Variants in GAR1 observed in about 807,000 individuals in gnomAD.
GAR1 encodes the protein GAR1 ribonucleoprotein.
Under a neutral mutation model 29.3 loss-of-function variants are expected in GAR1, and 11 were observed. The ratio of observed to expected loss-of-function variants is 0.38; its 90% confidence interval spans 0.24 to 0.62. The LOEUF (loss-of-function observed/expected upper bound fraction) is 0.62. Ranked by LOEUF, GAR1 falls within the 20% of genes least tolerant of loss-of-function variation. GAR1 has a pLI of 0.62. For missense variants in GAR1, 237 were observed against 268.4 expected (o/e 0.88, Z 0.82); for synonymous variants, 87 against 93.3 (o/e 0.93, Z 0.39).
rs1379256573 is a variant in GAR1 at position 109,823,899 on chromosome 4, TTAA to T, written c.572-64_572-62del. On this transcript the variant is annotated intron_variant, in intron 5 of 6. Coordinates refer to ENST00000226796, the MANE Select transcript of GAR1 (RefSeq NM_018983.4). ...TATAAGAGGTTATACAGTTAATAACTTAATGATTATTATATTCTATTGTTATTT... is the reference window on the plus strand; with the variant it reads ...TATAAGAGGTTATACAGTTAATAACTTGATTATTATATTCTATTGTTATTT... The T allele has an allele frequency of 3.9e-6, 4 of 1,027,844 alleles. No individual in the cohort carries two copies. In the African/African-American group the frequency reaches 6.4e-5, roughly 16 times the overall value. The allele number at this position is 1,027,844 out of a possible 1,614,324, so 63.7% of individuals were successfully genotyped here.
chr4:109,816,027 G>A, intron 1 of GAR1, 126 bp from the exon 2 acceptor site: 1 of 905,500 alleles, frequency 1.1e-6, no homozygotes, highest in Non-Finnish European at 1.8e-6. Flanking sequence ...CTGGCTGTCT[G>A]ACCGTGGGTG....
chr4:109,817,982 A>C lies in GAR1; in HGVS notation c.261A>C (p.Lys87Asn). Residue 87 changes from lysine (K) to asparagine (N), a missense_variant, in exon 3 of 7, where the codon AAA (lysine) becomes AAC (asparagine). Lys to Asn is a moderately conservative substitution (Grantham distance 94, BLOSUM62 0). Coordinates refer to ENST00000226796, the MANE Select transcript of GAR1 (RefSeq NM_018983.4). The part of the protein sequence containing the change: ...LHPCEDDIVC[K>N]CTTDENKVPY... ...CCTGTGAAGATGACATAGTTTGTAA[A>C]TGTACCACAGATGAAAATAAGGTGC... 1 of 1,609,492 alleles carries C rather than the reference A, an allele frequency of 6.2e-7. No homozygotes were observed. Among genetic ancestry groups the C allele is most frequent in the Non-Finnish European group, 8.5e-7 (1 of 1,176,854 alleles).
intron 1 of GAR1, 34 bp downstream of exon 1, chr4:109,815,838 T>G: frequency 3.0e-6 from 1 of 337,252 alleles, no homozygotes; most frequent in Non-Finnish European, 5.4e-6. Flanking sequence ...GATTTGAAAA[T>G]GCTGGACGTG....
chr4:109,824,285 C>T (rs1733595168), intron 6 of GAR1, 133 bp from the exon 7 acceptor site: 2 of 652,706 alleles, frequency 3.1e-6, no homozygotes, highest in East Asian at 2.7e-5. Flanking sequence ...ATATGAATGA[C>T]AGTTAAATTT....
chr4:109,821,301 G>A (rs1055367969), intron 4 of GAR1, among the ~76,000 whole-genome samples: 7 of 152,208 alleles, frequency 4.6e-5, no homozygotes, highest in Non-Finnish European at 8.8e-5. Flanking sequence ...CCTGTGGCTG[G>A]TGGCTGCCAT....
intron 5 of GAR1, 104 bp downstream of exon 5, chr4:109,822,592 C>T (rs1733544279): frequency 8.5e-7 from 1 of 1,182,714 alleles, no homozygotes; most frequent in Admixed American, 3.0e-5. Flanking sequence ...CCTTATGGTT[C>T]TTTTTATTAA....
At chr4:109,823,888 C>T (rs1022622574) in intron 5 of GAR1, 77 bp from the exon 6 acceptor site, 4 of 877,080 alleles carry the variant, frequency 4.6e-6, no homozygotes, top group Non-Finnish European at 7.5e-6. Flanking sequence ...AGAGGTTATA[C>T]AGTTAATAAC....
At chr4:109,823,000 T>C (rs1017783354) in intron 5 of GAR1, among the ~76,000 whole-genome samples, 1 of 152,238 alleles carries the variant, frequency 6.6e-6, no homozygotes, top group Non-Finnish European at 1.5e-5. Flanking sequence ...TCAAGAACTA[T>C]TACTAATAAA....
chr4:109,821,924 C>T (rs978753081), intron 4 of GAR1, among the ~76,000 whole-genome samples: 1 of 151,650 alleles, frequency 6.6e-6, no homozygotes, highest in Non-Finnish European at 1.5e-5. Context: ...TGTTCTCACT[C>T]GTAAGTGAGA....
intron 3 of GAR1, among the ~76,000 whole-genome samples, chr4:109,818,686 T>C (rs1733421800): frequency 6.6e-6 from 1 of 151,496 alleles, no homozygotes; most frequent in Non-Finnish European, 1.5e-5. Context: ...TGCCTCAGCC[T>C]TTCAAGTAGC....
chr4:109,815,538 A>C (rs1207631697), upstream of GAR1: 1 of 153,710 alleles, frequency 6.5e-6, no homozygotes, highest in Non-Finnish European at 1.5e-5. Context: ...TCCACGGCTC[A>C]GCGTCAGGCA....
At position 109,816,184 on chromosome 4, in the gene GAR1, G is replaced by A. The variant is rs566900761; in HGVS notation, c.20G>A (p.Gly7Asp). The A allele has an allele frequency of 4.1e-5, 66 of 1,612,530 alleles. No homozygotes were observed. In the South Asian group the frequency reaches 6.8e-4, roughly 17 times the overall value. ...GAGAGAATGTCTTTTCGAGGCGGAG[G>A]TCGTGGAGGCTTTAATCGAGGTGGT... MSFRGG[G>D]RGGFNRGGGG... Residue 7 changes from glycine (G) to aspartate (D), a missense_variant, in exon 2 of 7, where the codon GGT becomes GAT. By Grantham distance (94) the Gly-to-Asp change is moderately conservative (BLOSUM62 -1). Coordinates refer to ENST00000226796, the MANE Select transcript of GAR1 (RefSeq NM_018983.4).
In GAR1 at chr4:109,824,587, C is replaced by T. The variant is rs1247013772; in HGVS notation, c.*156C>T. 1.1e-5 allele frequency: 7 copies of T among 633,738 alleles called. No homozygotes were observed. The highest frequency in any genetic ancestry group is 2.1e-5 in the South Asian group (1 of 46,756). The allele number at this position is 633,738 out of a possible 1,614,324, so 39.3% of individuals were successfully genotyped here. A position where few individuals can be genotyped will look rare whatever the true frequency, so the allele number is the denominator to read the frequency against. ...AATGTCAGCATCATGCAAAGTGCAACGGAATAGTGAATTTTGCTCTAAAAG... is the reference window on the plus strand; with the variant it reads ...AATGTCAGCATCATGCAAAGTGCAATGGAATAGTGAATTTTGCTCTAAAAG... On this transcript the variant is annotated 3_prime_UTR_variant, in exon 7 of 7. Coordinates refer to ENST00000226796, the MANE Select transcript of GAR1 (RefSeq NM_018983.4).
At position 109,816,138 on chromosome 4, in the gene GAR1, T is replaced by G; in HGVS notation, c.-12-15T>G. 1.3e-6 allele frequency: 2 copies of G among 1,590,228 alleles called. No homozygotes were observed. The highest frequency in any genetic ancestry group is 4.5e-5 in the East Asian group (2 of 44,738). ...TACAGTGATCAGAAGACATAGGTCG[T>G]TTTTTTTTCATCAGGGAGGAGAGAG... On this transcript the variant is annotated splice_polypyrimidine_tract_variant and intron_variant, in intron 1 of 6. Transcript: ENST00000226796.
chr4:109,820,293 C>G (rs1033387552), intron 4 of GAR1, among the ~76,000 whole-genome samples: 1 of 151,832 alleles, frequency 6.6e-6, no homozygotes, highest in Non-Finnish European at 1.5e-5. Context: ...GTGATGGTAC[C>G]AATTAATGAA....
At chr4:109,815,876 A>C in intron 1 of GAR1, 72 bp downstream of exon 1, 4 of 401,436 alleles carry the variant, frequency 1.0e-5, no homozygotes, top group East Asian at 4.9e-5. Context: ...GGAGGGAGGA[A>C]GGAAGGGGAT....
intron 6 of GAR1, 130 bp from the exon 7 acceptor site, chr4:109,824,288 T>G: frequency 1.5e-6 from 1 of 668,356 alleles, no homozygotes; most frequent in Non-Finnish European, 2.7e-6. Flanking sequence ...TGAATGACAG[T>G]TAAATTTGGT....
At chr4:109,824,061 G>C (rs373513396) in intron 6 of GAR1, 28 bp downstream of exon 6, 235 of 1,399,324 alleles carry the variant, frequency 1.7e-4, no homozygotes, top group Non-Finnish European at 2.3e-4. Flanking sequence ...TCTTTAAATT[G>C]CTTAATGTTT....
chr4:109,821,796 A>G (rs183300688), intron 4 of GAR1, among the ~76,000 whole-genome samples: 182 of 152,284 alleles, frequency 1.2e-3, no homozygotes, highest in African/African-American at 3.3e-3. Context: ...CAAGTGCCTT[A>G]TATACATCAC....
Sources: gnomAD v4.1 joint callset for allele counts (sites outside exome capture counted in the v4.1 genomes callset) on GRCh38, gnomAD v4.1.1 for gene constraint, MANE v1.5 for transcripts, NCBI Gene and HGNC (gene_info 2026-07-23, HGNC 2026-07-21) for gene names.